OSTC: variants seen among roughly 807,000 people sequenced by gnomAD.
OSTC encodes the protein oligosaccharyltransferase complex subunit OSTC.
OSTC carries 16 observed loss-of-function variants against 16.4 expected under a neutral mutation model. That is an observed-to-expected ratio of 0.98 (90% CI 0.66 to 1.49). The LOEUF is 1.49. OSTC is among the 40% of genes most tolerant of loss of function. The pLI is 0.00. For synonymous variants in OSTC, 67 were observed against 68.5 expected, an observed-to-expected ratio of 0.98 and a Z score of 0.11; for missense variants, 139 against 186.3, an observed-to-expected ratio of 0.75 and a Z score of 1.48.
At chr4:108,655,492 A>G (rs568102748) in intron 1 of OSTC, 72 bp from the exon 2 acceptor site, 12 of 977,478 alleles carry the variant, frequency 1.2e-5, no homozygotes, top group African/African-American at 8.5e-5. Flanking sequence ...ACCTTAAGAG[A>G]CAATGAAAAC....
At chr4:108,664,683 T>C (rs1044716489) in intron 3 of OSTC, among the ~76,000 whole-genome samples, 1 of 151,902 alleles carries the variant, frequency 6.6e-6, no homozygotes, top group Non-Finnish European at 1.5e-5. Context: ...AATCTCCGCC[T>C]CCCAGGTTCA....
At chr4:108,656,768 A>G (rs543351393) in intron 2 of OSTC, among the ~76,000 whole-genome samples, 30 of 152,318 alleles carry the variant, frequency 2.0e-4, no homozygotes, top group Non-Finnish European at 3.7e-4. Flanking sequence ...ATTAGTTTGA[A>G]TTGATAGTAG....
chr4:108,659,820 C>G (rs1726807262), intron 3 of OSTC, among the ~76,000 whole-genome samples: 1 of 151,992 alleles, frequency 6.6e-6, no homozygotes, highest in African/African-American at 2.4e-5. Context: ...CAAAAGAAAC[C>G]TTTGGAGGCA....
chr4:108,656,305 G>C (rs1726699942), intron 2 of OSTC, among the ~76,000 whole-genome samples: 1 of 152,002 alleles, frequency 6.6e-6, no homozygotes, highest in African/African-American at 2.4e-5. Flanking sequence ...TGCTATTTAT[G>C]CATAGAATAT....
In OSTC at chr4:108,655,661, A is replaced by G. The variant is rs1388816955; in HGVS notation, c.233+4A>G. On this transcript the variant is annotated splice_donor_region_variant and intron_variant, in intron 2 of 3. Transcript: ENST00000361564. ...CAGTAGCTTTCTTGGCCTACAGGTA[A>G]AAGATACCTTTTTGAATGATTTGGT... 3 of 1,585,062 alleles carry G rather than the reference A, an allele frequency of 1.9e-6. No individual in the cohort carries two copies. The highest frequency in any genetic ancestry group is 2.2e-5 in the East Asian group (1 of 44,672).
intron 1 of OSTC, among the ~76,000 whole-genome samples, chr4:108,653,770 T>G (rs892053577): frequency 6.6e-6 from 1 of 152,200 alleles, no homozygotes; most frequent in Non-Finnish European, 1.5e-5. Context: ...GTTGGTCAAC[T>G]AACAGACATT....
chr4:108,650,962 T>C (rs1421515245), intron 1 of OSTC, 168 bp downstream of exon 1: 1 of 933,024 alleles, frequency 1.1e-6, no homozygotes, highest in Non-Finnish European at 1.6e-6. Context: ...CGTCCAAGTT[T>C]ATTCGCCTTC....
At chr4:108,664,095 T>C (rs1726933461) in intron 3 of OSTC, among the ~76,000 whole-genome samples, 1 of 149,980 alleles carries the variant, frequency 6.7e-6, no homozygotes, top group South Asian at 2.1e-4. Context: ...TGTTCTTCTT[T>C]TCTTTTTTCT....
chr4:108,657,978 T>TGGAAATG (rs1425036861), intron 3 of OSTC, among the ~76,000 whole-genome samples: 1 of 125,768 alleles, frequency 8.0e-6, no homozygotes, highest in Non-Finnish European at 1.6e-5. Context: ...TTGCCCAGGC[T>TGGAAATG]GGAAATGCAA....
In OSTC at chr4:108,667,531, C is replaced by T; in HGVS notation, c.*266C>T. Reference sequence around the variant, plus strand: ...GAGTGGCATTTTCTTTTTAGTTTTTCATTAAAATATATTCCATATCTACAA... The same window carrying T: ...GAGTGGCATTTTCTTTTTAGTTTTTTATTAAAATATATTCCATATCTACAA... On this transcript the variant is annotated 3_prime_UTR_variant, in exon 4 of 4. Transcript: ENST00000361564. 6.0e-6 allele frequency: 2 copies of T among 332,492 alleles called. No individual in the cohort carries two copies. The highest frequency in any genetic ancestry group is 1.1e-5 in the Non-Finnish European group (2 of 184,748). The allele number at this position is 332,492 out of a possible 1,614,324, so 20.6% of individuals were successfully genotyped here.
chr4:108,650,846 C>T (rs1441283323), intron 1 of OSTC, 52 bp downstream of exon 1: 2 of 1,611,262 alleles, frequency 1.2e-6, no homozygotes, highest in South Asian at 2.2e-5. Flanking sequence ...ACTGACCCGC[C>T]CCGGGAGGCG....
intron 3 of OSTC, among the ~76,000 whole-genome samples, chr4:108,662,606 T>C (rs1226099967): frequency 6.6e-6 from 1 of 152,230 alleles, no homozygotes; most frequent in Non-Finnish European, 1.5e-5. Context: ...TCTTCTTCTT[T>C]TCAGTTTGCT....
At chr4:108,650,818 G>A (rs775877145) in intron 1 of OSTC, 24 bp downstream of exon 1, 1 of 1,613,832 alleles carries the variant, frequency 6.2e-7, no homozygotes, top group Non-Finnish European at 8.5e-7. Flanking sequence ...TCGGGCCCGA[G>A]AGGCTGAGGA....
At chr4:108,661,062 A>T (rs1357682315) in intron 3 of OSTC, among the ~76,000 whole-genome samples, 3 of 151,980 alleles carry the variant, frequency 2.0e-5, no homozygotes, top group Admixed American at 1.3e-4. Flanking sequence ...ACTAAAAAAT[A>T]AAAAAATTAG....
chr4:108,666,954 G>T (rs1727024782), intron 3 of OSTC, among the ~76,000 whole-genome samples: 1 of 151,370 alleles, frequency 6.6e-6, no homozygotes, highest in Non-Finnish European at 1.5e-5. Flanking sequence ...GCAGTGAGCT[G>T]AGATCACACC....
chr4:108,667,080 G>A (rs1238629628), intron 3 of OSTC, among the ~76,000 whole-genome samples, 167 bp from the exon 4 acceptor site: 1 of 151,758 alleles, frequency 6.6e-6, no homozygotes, highest in Admixed American at 6.6e-5. Context: ...GGGGTGAGGG[G>A]GGCAAAATAT....
chr4:108,655,668 C>A lies in OSTC; in HGVS notation c.233+11C>A, dbSNP rs1322058590. ...TTTCTTGGCCTACAGGTAAAAGATA[C>A]CTTTTTGAATGATTTGGTGGTGGGA... On this transcript the variant is annotated intron_variant, in intron 2 of 3. Coordinates refer to ENST00000361564, the MANE Select transcript of OSTC (RefSeq NM_021227.4). 1 of 1,570,128 alleles carries A rather than the reference C, an allele frequency of 6.4e-7. No individual in the cohort carries two copies. Among genetic ancestry groups the A allele is most frequent in the Non-Finnish European group, 8.8e-7 (1 of 1,141,268 alleles).
rs183765522 is a variant in OSTC at position 108,666,918 on chromosome 4, C to A, written c.432-329C>A. Reference sequence around the variant, plus strand: ...TACTTGGGAGGCTGAGGCAGGAGAACCACTTGAACCCGGGAGGCGGAGGTT... The same window carrying A: ...TACTTGGGAGGCTGAGGCAGGAGAAACACTTGAACCCGGGAGGCGGAGGTT... On this transcript the variant is annotated intron_variant, in intron 3 of 3. Transcript: ENST00000361564. 3.7e-3 allele frequency among the ~76,000 whole-genome samples: 553 copies of A among 149,576 alleles called. 3 individuals are homozygous for A. The highest frequency in any genetic ancestry group is 0.013 in the African/African-American group (522 of 40,644).
chr4:108,659,723 C>A (rs1454384551), intron 3 of OSTC, among the ~76,000 whole-genome samples: 1 of 151,948 alleles, frequency 6.6e-6, no homozygotes, highest in East Asian at 1.9e-4. Flanking sequence ...GAGCCAAGAT[C>A]GTGCCACTGC....
Sources: allele counts gnomAD v4.1 joint callset (sites outside exome capture counted in the v4.1 genomes callset), GRCh38; gene constraint gnomAD v4.1.1; transcripts MANE v1.5; gene names NCBI Gene and HGNC (gene_info 2026-07-23, HGNC 2026-07-21).